STARD13: variants seen among roughly 807,000 people sequenced by gnomAD.
STARD13 encodes the protein StAR related lipid transfer domain containing 13.
In STARD13, 62 loss-of-function variants were observed where a neutral mutation model predicts 106.4. The ratio of observed to expected loss-of-function variants is 0.58; its 90% CI spans 0.48 to 0.72. The LOEUF (loss-of-function observed/expected upper bound fraction) is 0.72, where lower values mean the gene tolerates loss of function less well. Among genes scored for constraint, STARD13 ranks in the 30% least tolerant of loss-of-function variants. The probability of loss-of-function intolerance (pLI) is 0.00; values close to 1 mark genes in which losing one functional copy is unlikely to be tolerated. For missense variants in STARD13, 1,387 were observed against 1,424.0 expected, an observed-to-expected ratio of 0.97 and a Z score of 0.42; for synonymous variants, 565 against 553.0, an observed-to-expected ratio of 1.02 and a Z score of -0.31.
chr13:33,642,772 G>A, the STARD13 span, among the ~76,000 whole-genome samples: 3 of 151,678 alleles, frequency 2.0e-5, no homozygotes, highest in Admixed American at 6.6e-5. Context: ...CTCAAAGGCC[G>A]GATGACAGTG....
chr13:33,517,732 G>C, the STARD13 span, among the ~76,000 whole-genome samples: 1 of 152,096 alleles, frequency 6.6e-6, no homozygotes, highest in Non-Finnish European at 1.5e-5. Flanking sequence ...CCAAGCGTTT[G>C]CCATCAACAG....
At chr13:33,168,840 C>T (rs1376861717) in intron 1 of STARD13, among the ~76,000 whole-genome samples, 1 of 152,170 alleles carries the variant, frequency 6.6e-6, no homozygotes, top group African/African-American at 2.4e-5. Flanking sequence ...GGAAAATAGA[C>T]CAAAGGCCAG....
the STARD13 span, among the ~76,000 whole-genome samples, chr13:33,598,164 C>A: frequency 3.3e-5 from 5 of 152,176 alleles, no homozygotes; most frequent in Non-Finnish European, 7.4e-5. Context: ...CTCACTGTTT[C>A]TTGACTTCTA....
At chr13:33,221,545 C>G (rs1888356100) in intron 1 of STARD13, among the ~76,000 whole-genome samples, 1 of 152,186 alleles carries the variant, frequency 6.6e-6, no homozygotes, top group Non-Finnish European at 1.5e-5. Context: ...TGCTGATCAT[C>G]TGAGTGGATC....
chr13:33,419,755 T>A, the STARD13 span, among the ~76,000 whole-genome samples: 1 of 152,152 alleles, frequency 6.6e-6, no homozygotes, highest in Non-Finnish European at 1.5e-5. Flanking sequence ...TAACAGCAGA[T>A]CTCTTGGCAG....
intron 7 of STARD13, among the ~76,000 whole-genome samples, chr13:33,123,100 TC>T (rs1487498089): frequency 1.4e-5 from 2 of 147,352 alleles, no homozygotes; most frequent in Non-Finnish European, 3.0e-5. Flanking sequence ...AAGGATAATT[TC>T]ACTGGATAGC....
the STARD13 span, among the ~76,000 whole-genome samples, chr13:33,359,103 G>A: frequency 2.6e-5 from 4 of 152,184 alleles, no homozygotes; most frequent in Non-Finnish European, 5.9e-5. Flanking sequence ...GCCCCAGCCA[G>A]CATTGGCAAC....
chr13:33,618,162 T>A, the STARD13 span, among the ~76,000 whole-genome samples: 16 of 152,260 alleles, frequency 1.1e-4, no homozygotes, highest in Admixed American at 2.0e-4. Flanking sequence ...CCCATAAAAG[T>A]ATTAACTCTC....
At chr13:33,272,021 C>T (rs150909973) in intron 1 of STARD13, among the ~76,000 whole-genome samples, 39 of 152,246 alleles carry the variant, frequency 2.6e-4, no homozygotes, top group African/African-American at 8.4e-4. Flanking sequence ...TTTGTTTACT[C>T]ATCTGTTAGG....
chr13:33,404,750 G>A, the STARD13 span, among the ~76,000 whole-genome samples: 1 of 151,740 alleles, frequency 6.6e-6, no homozygotes, highest in African/African-American at 2.4e-5. Flanking sequence ...TGGTGGGGGA[G>A]GATGTCAGAA....
At chr13:33,174,957 AT>A (rs1191150370) in intron 1 of STARD13, among the ~76,000 whole-genome samples, 1 of 152,220 alleles carries the variant, frequency 6.6e-6, no homozygotes, top group African/African-American at 2.4e-5. Context: ...TCATATACAC[AT>A]TTGCACCACA....
At chr13:33,230,783 T>C (rs1319987002) in intron 1 of STARD13, among the ~76,000 whole-genome samples, 1 of 152,234 alleles carries the variant, frequency 6.6e-6, no homozygotes, top group Non-Finnish European at 1.5e-5. Context: ...GTTCAGTTTA[T>C]GCAAAGTACT....
chr13:33,210,496 G>A (rs116764055), intron 1 of STARD13, among the ~76,000 whole-genome samples: 2,106 of 152,288 alleles, frequency 0.014, 45 homozygotes, highest in African/African-American at 0.048. Flanking sequence ...ACACATCTTA[G>A]GGTTGTTGCA....
chr13:33,185,968 A>C (rs745950722), intron 1 of STARD13: 1 of 1,614,218 alleles, frequency 6.2e-7, no homozygotes, highest in Non-Finnish European at 8.5e-7. Context: ...AGCACCAAGC[A>C]CCACAAAGGG....
At chr13:33,323,747 T>C (rs1302458331) in intron 1 of STARD13, among the ~76,000 whole-genome samples, 3 of 152,180 alleles carry the variant, frequency 2.0e-5, no homozygotes, top group Non-Finnish European at 4.4e-5. Context: ...TAGCCAGAAA[T>C]ATGCATCATG....
rs577962894 is a variant in STARD13 at position 33,166,763 on chromosome 13, G to C, written c.241+788C>G. On this transcript the variant is annotated intron_variant, in intron 2 of 13. Transcript: ENST00000336934. ...TAATCTCAGCACTTAGGGAGGCCGA[G>C]GTGGGAAAGTCACTTGAGGTCAGGA... Among the ~76,000 whole-genome samples, 4 of 152,306 alleles carry C rather than the reference G, an allele frequency of 2.6e-5. No homozygotes were observed. In the East Asian group the frequency reaches 7.7e-4, roughly 29 times the overall value.
intron 1 of STARD13, among the ~76,000 whole-genome samples, chr13:33,221,070 G>A (rs574225935): frequency 8.9e-4 from 135 of 151,992 alleles, no homozygotes; most frequent in African/African-American, 3.0e-3. Flanking sequence ...GAAAACACTC[G>A]TCATCAACTT....
At chr13:33,386,438 G>A in the STARD13 span, among the ~76,000 whole-genome samples, 1 of 152,112 alleles carries the variant, frequency 6.6e-6, no homozygotes, top group Non-Finnish European at 1.5e-5. Context: ...CTCCAGGTAT[G>A]GTAAATTCCC....
the STARD13 span, among the ~76,000 whole-genome samples, chr13:33,542,603 AGGG>A: frequency 6.6e-6 from 1 of 151,822 alleles, no homozygotes; most frequent in South Asian, 2.1e-4. Context: ...ACCAGCAACC[AGGG>A]CCCGCTGGCG....
Sources: allele counts gnomAD v4.1 joint callset (sites outside exome capture counted in the v4.1 genomes callset), GRCh38; gene constraint gnomAD v4.1.1; transcripts MANE v1.5; gene names NCBI Gene and HGNC (gene_info 2026-07-23, HGNC 2026-07-21).